The following MIS18A variants were observed in gnomAD, a reference collection of about 807,000 sequenced individuals.
MIS18A encodes the protein MIS18 kinetochore protein A.
MIS18A carries 14 observed loss-of-function variants against 25.0 expected under a neutral mutation model. The ratio of observed to expected loss-of-function variants is 0.56; its 90% CI spans 0.37 to 0.88. The LOEUF is 0.88. Ranked by LOEUF, MIS18A falls within the 40% of genes least tolerant of loss-of-function variation. MIS18A has a pLI of 0.00. For synonymous variants in MIS18A, 134 were observed against 118.6 expected, an observed-to-expected ratio of 1.13 and a Z score of -0.84; for missense variants, 292 against 290.8, an observed-to-expected ratio of 1.00 and a Z score of -0.03.
the MIS18A span, chr21:32,259,981 C>T: frequency 1.1e-4 from 16 of 151,984 alleles, no homozygotes; most frequent in African/African-American, 3.9e-4. Flanking sequence ...ATGCTAGCCC[C>T]ACAGCACCAC....
chr21:32,169,420 C>T, the MIS18A span, among the ~76,000 whole-genome samples: 135 of 152,160 alleles, frequency 8.9e-4, no homozygotes, highest in Admixed American at 3.1e-3. Flanking sequence ...TCACAGCTGC[C>T]TCAAGTGGCA....
At chr21:32,273,296 T>C (rs757171979) in intron 2 of MIS18A, among the ~76,000 whole-genome samples, 10 of 151,974 alleles carry the variant, frequency 6.6e-5, no homozygotes, top group Non-Finnish European at 1.5e-4. Flanking sequence ...GCATGATTAA[T>C]TACACCATTG....
At chr21:32,250,056 T>A in the MIS18A span, among the ~76,000 whole-genome samples, 13 of 152,084 alleles carry the variant, frequency 8.5e-5, no homozygotes, top group South Asian at 1.7e-3. Flanking sequence ...AGAAGTGCTA[T>A]CTCCTAAGCT....
At chr21:32,267,174 G>A (rs2031621810), downstream of MIS18A, among the ~76,000 whole-genome samples, 9 of 152,388 alleles carry the variant, frequency 5.9e-5, no homozygotes, top group South Asian at 1.9e-3. Context: ...CCCTCTCACT[G>A]TGATGGCAAG....
the MIS18A span, among the ~76,000 whole-genome samples, chr21:32,172,155 G>A: frequency 6.6e-6 from 1 of 151,878 alleles, no homozygotes; most frequent in African/African-American, 2.4e-5. Flanking sequence ...TGTTGGTGAG[G>A]GTGTAGAGAA....
chr21:32,194,486 C>A, the MIS18A span, among the ~76,000 whole-genome samples: 6 of 151,902 alleles, frequency 3.9e-5, no homozygotes, highest in Non-Finnish European at 8.8e-5. Context: ...ATGCAGAAAC[C>A]CTGTCTCTAC....
At chr21:32,195,538 C>A in the MIS18A span, among the ~76,000 whole-genome samples, 6 of 152,190 alleles carry the variant, frequency 3.9e-5, no homozygotes, top group Non-Finnish European at 1.5e-5. Context: ...GTGAGTTTTC[C>A]AGGGATAGGC....
the MIS18A span, among the ~76,000 whole-genome samples, chr21:32,179,414 C>T: frequency 1.6e-3 from 246 of 151,066 alleles, no homozygotes; most frequent in Non-Finnish European, 2.4e-3. Flanking sequence ...AAGATCACCT[C>T]CTATGTCCCC....
chr21:32,179,960 C>T, the MIS18A span, among the ~76,000 whole-genome samples: 14 of 152,228 alleles, frequency 9.2e-5, no homozygotes, highest in African/African-American at 3.1e-4. Flanking sequence ...TTTCTGACAG[C>T]TCTTTCTTCA....
At chr21:32,183,042 T>C in the MIS18A span, among the ~76,000 whole-genome samples, 2 of 152,180 alleles carry the variant, frequency 1.3e-5, no homozygotes, top group African/African-American at 2.4e-5. Context: ...TTTATAAGTA[T>C]GAAAGATGAT....
chr21:32,162,551 T>C, the MIS18A span, among the ~76,000 whole-genome samples: 2 of 152,192 alleles, frequency 1.3e-5, no homozygotes, highest in South Asian at 2.1e-4. Flanking sequence ...CCTTAGTTCA[T>C]AGTGCATGCC....
chr21:32,176,193 C>G, the MIS18A span, among the ~76,000 whole-genome samples: 1 of 152,202 alleles, frequency 6.6e-6, no homozygotes, highest in Non-Finnish European at 1.5e-5. Flanking sequence ...AATACATAAA[C>G]TAATAACATA....
intron 2 of MIS18A, among the ~76,000 whole-genome samples, chr21:32,273,011 G>A (rs2031741240): frequency 6.6e-6 from 1 of 151,836 alleles, no homozygotes; most frequent in African/African-American, 2.4e-5. Context: ...TCTGAGGTGG[G>A]TTTTCCAAAT....
At chr21:32,210,501 TTCA>T in the MIS18A span, among the ~76,000 whole-genome samples, 1 of 152,204 alleles carries the variant, frequency 6.6e-6, no homozygotes, top group East Asian at 1.9e-4. Flanking sequence ...CGAGAAGGGC[TTCA>T]GGCTGACGGT....
At chr21:32,188,003 G>GTCTCTCTCTCTCTCTCTC in the MIS18A span, among the ~76,000 whole-genome samples, 156 of 150,108 alleles carry the variant, frequency 1.0e-3, 2 homozygotes, top group Middle Eastern at 3.4e-3. Flanking sequence ...CTCCCTTTCT[G>GTCTCTCTCTCTCTCTCTC]TCTCTCTCTC....
the MIS18A span, among the ~76,000 whole-genome samples, chr21:32,254,987 A>G: frequency 6.6e-6 from 1 of 152,240 alleles, no homozygotes; most frequent in African/African-American, 2.4e-5. Context: ...CAAAGTTGCA[A>G]AAGTATATTT....
chr21:32,238,872 C>G, the MIS18A span, among the ~76,000 whole-genome samples: 1 of 152,116 alleles, frequency 6.6e-6, no homozygotes, highest in African/African-American at 2.4e-5. Context: ...AATTCCTGTT[C>G]CAATGTACAA....
chr21:32,218,807 T>C, the MIS18A span, among the ~76,000 whole-genome samples: 1 of 152,018 alleles, frequency 6.6e-6, no homozygotes, highest in African/African-American at 2.4e-5. Flanking sequence ...TAGAAATAAA[T>C]CTTATCAGCC....
At chr21:32,164,159 C>A in the MIS18A span, among the ~76,000 whole-genome samples, 3 of 152,104 alleles carry the variant, frequency 2.0e-5, no homozygotes, top group African/African-American at 7.2e-5. Flanking sequence ...ACATTAGGGT[C>A]AGATTTTAAC....
Sources: gnomAD v4.1 joint callset for allele counts (sites outside exome capture counted in the v4.1 genomes callset) on GRCh38, gnomAD v4.1.1 for gene constraint, MANE v1.5 for transcripts, NCBI Gene and HGNC (gene_info 2026-07-23, HGNC 2026-07-21) for gene names.